PAG1: variants seen among roughly 807,000 people sequenced by gnomAD.
The protein encoded by PAG1 is phosphoprotein associated with glycosphingolipid-enriched microdomains 1.
A neutral mutation model predicts 31.7 loss-of-function variants in PAG1; 23 were observed. That is an observed-to-expected ratio of 0.73 (90% CI 0.52 to 1.03). PAG1 has a LOEUF of 1.03. PAG1 is among the 50% of genes least tolerant of loss of function. The pLI, the probability that PAG1 is intolerant of heterozygous loss-of-function variation, is 0.00. For missense variants in PAG1, 473 were observed against 540.7 expected, an observed-to-expected ratio of 0.87 and a Z score of 1.24; for synonymous variants, 214 against 210.3, an observed-to-expected ratio of 1.02 and a Z score of -0.15.
chr8:81,069,064 T>C (rs1460551308), intron 2 of PAG1, among the ~76,000 whole-genome samples: 1 of 152,226 alleles, frequency 6.6e-6, no homozygotes, highest in Non-Finnish European at 1.5e-5. Flanking sequence ...AAGGTCTTAA[T>C]GCACTGATTC....
At chr8:81,083,510 A>G (rs1309697559) in intron 1 of PAG1, among the ~76,000 whole-genome samples, 1 of 152,072 alleles carries the variant, frequency 6.6e-6, no homozygotes, top group Non-Finnish European at 1.5e-5. Flanking sequence ...AGAGCTGGCA[A>G]GGGTGGAAGT....
chr8:81,099,279 T>TC lies in PAG1; in HGVS notation c.-234+12311dup, dbSNP rs1809573571. Among the ~76,000 whole-genome samples, 4 of 152,350 alleles carry TC rather than the reference T, an allele frequency of 2.6e-5. No individual in the cohort carries two copies. The South Asian group carries it at 8.3e-4, about 32-fold the overall frequency. On this transcript the variant is annotated intron_variant, in intron 1 of 8. Coordinates refer to ENST00000220597, the MANE Select transcript of PAG1 (RefSeq NM_018440.4). ...CTCCAGATTTAATCCTTTTGTAGTT[T>TC]CCCCACATCTTGAGAGTATTTATCT...
intron 2 of PAG1, among the ~76,000 whole-genome samples, chr8:81,059,581 T>C (rs1471569541): frequency 1.3e-5 from 2 of 152,112 alleles, no homozygotes. Context: ...GTAAACTACC[T>C]GCAATTATGT....
At chr8:81,016,890 A>G (rs1463067090) in intron 3 of PAG1, among the ~76,000 whole-genome samples, 1 of 152,294 alleles carries the variant, frequency 6.6e-6, no homozygotes, top group East Asian at 1.9e-4. Context: ...CCCTAACTCC[A>G]TATTCCAACA....
chr8:81,074,895 G>T (rs1319830656), intron 1 of PAG1, among the ~76,000 whole-genome samples: 2 of 152,156 alleles, frequency 1.3e-5, no homozygotes, highest in African/African-American at 4.8e-5. Context: ...GCTCATTTTG[G>T]TTTCTTGGGT....
chr8:81,013,486 G>A (rs1808019915), intron 3 of PAG1, among the ~76,000 whole-genome samples: 1 of 152,188 alleles, frequency 6.6e-6, no homozygotes, highest in African/African-American at 2.4e-5. Flanking sequence ...TGGAAATGGT[G>A]CCACCTTCAG....
chr8:81,008,078 C>T (rs376736788), intron 3 of PAG1, among the ~76,000 whole-genome samples: 2 of 109,346 alleles, frequency 1.8e-5, no homozygotes, highest in African/African-American at 2.5e-5. Flanking sequence ...TTTTGTCCAT[C>T]GGATTAAATA....
At position 80,992,098 on chromosome 8, in the gene PAG1, T is replaced by C. The variant is rs149472922; in HGVS notation, c.126-568A>G. ...GTAGAGAATACGCCGCCCATCCACG[T>C]TCTCTATAAAACAAGGGTGACACCT... On this transcript the variant is annotated intron_variant, in intron 4 of 8. Coordinates refer to ENST00000220597, the MANE Select transcript of PAG1 (RefSeq NM_018440.4). Among the ~76,000 whole-genome samples the C allele has an allele frequency of 3.7e-3, 559 of 152,290 alleles. 4 individuals are homozygous for C. Among genetic ancestry groups the C allele is most frequent in the African/African-American group, 0.011 (467 of 41,558 alleles).
At chr8:81,085,275 G>A (rs1252805905) in intron 1 of PAG1, among the ~76,000 whole-genome samples, 1 of 152,190 alleles carries the variant, frequency 6.6e-6, no homozygotes, top group Non-Finnish European at 1.5e-5. Flanking sequence ...AGTAGTCAGT[G>A]AAATGTAAAA....
chr8:81,047,397 A>G (rs1196470700), intron 2 of PAG1, among the ~76,000 whole-genome samples: 1 of 152,166 alleles, frequency 6.6e-6, no homozygotes, highest in Non-Finnish European at 1.5e-5. Context: ...CTGATGTGAG[A>G]TGGTATCTCA....
At chr8:81,014,670 T>C (rs1276392141) in intron 3 of PAG1, among the ~76,000 whole-genome samples, 3 of 152,212 alleles carry the variant, frequency 2.0e-5, no homozygotes, top group Non-Finnish European at 4.4e-5. Flanking sequence ...TGTACGACCA[T>C]TATTAAGGAA....
intron 3 of PAG1, among the ~76,000 whole-genome samples, chr8:81,027,534 T>C (rs747258266): frequency 6.6e-6 from 1 of 152,202 alleles, no homozygotes; most frequent in Non-Finnish European, 1.5e-5. Flanking sequence ...CTGACACTAC[T>C]ACGGATAGAA....
At chr8:80,979,335 A>AG (rs1807249565) in intron 8 of PAG1, among the ~76,000 whole-genome samples, 1 of 152,180 alleles carries the variant, frequency 6.6e-6, no homozygotes, top group Non-Finnish European at 1.5e-5. Context: ...GATCAGCAGG[A>AG]GGGGACTGCT....
chr8:80,988,893 C>T (rs1305272621), intron 5 of PAG1, among the ~76,000 whole-genome samples: 1 of 152,204 alleles, frequency 6.6e-6, no homozygotes, highest in African/African-American at 2.4e-5. Flanking sequence ...TAAGAGTAGT[C>T]AGAAAGCAAG....
At chr8:81,073,993 C>A (rs1809135266) in intron 1 of PAG1, among the ~76,000 whole-genome samples, 1 of 152,210 alleles carries the variant, frequency 6.6e-6, no homozygotes, top group Non-Finnish European at 1.5e-5. Context: ...TACAGCATGC[C>A]TGGTGCTTCC....
At position 81,080,015 on chromosome 8, in the gene PAG1, C is replaced by T. The variant is rs575146293; in HGVS notation, c.-233-9845G>A. Reference sequence around the variant, plus strand: ...AAACTCCTGGGCTCAAGTGATCCTCCCATCAAGGCCTCCCAAAGTGCTGGG... The same window carrying T: ...AAACTCCTGGGCTCAAGTGATCCTCTCATCAAGGCCTCCCAAAGTGCTGGG... On this transcript the variant is annotated intron_variant, in intron 1 of 8. Transcript: ENST00000220597. Among the ~76,000 whole-genome samples, 3 of 152,160 alleles carry T rather than the reference C, an allele frequency of 2.0e-5. No individual in the cohort carries two copies. The East Asian group carries it at 5.8e-4, about 29-fold the overall frequency.
intron 1 of PAG1, among the ~76,000 whole-genome samples, chr8:81,106,784 A>G (rs1402137247): frequency 2.0e-5 from 3 of 152,190 alleles, no homozygotes; most frequent in African/African-American, 7.2e-5. Context: ...TTTACCCTCC[A>G]TTTTGACTGG....
At chr8:81,003,270 A>G (rs1190427870) in intron 3 of PAG1, among the ~76,000 whole-genome samples, 1 of 152,172 alleles carries the variant, frequency 6.6e-6, no homozygotes, top group East Asian at 1.9e-4. Context: ...TGATTTGGCA[A>G]GTCTGGAGCG....
rs142814138 is a variant in PAG1, at chr8:81,009,530, C to A, written c.-80-16223G>T. 5.6e-3 allele frequency among the ~76,000 whole-genome samples: 850 copies of A among 152,240 alleles called. 13 individuals carry two copies. The highest frequency in any genetic ancestry group is 0.02 in the African/African-American group (828 of 41,548). ...GATGATAAGATATGAGATATAGAGA[C>A]TAAGATGCTGAAAATCAAACCAACG... On this transcript the variant is annotated intron_variant, in intron 3 of 8. Transcript: ENST00000220597.
Sources: allele counts gnomAD v4.1 joint callset (sites outside exome capture counted in the v4.1 genomes callset), GRCh38; gene constraint gnomAD v4.1.1; transcripts MANE v1.5; gene names NCBI Gene and HGNC (gene_info 2026-07-23, HGNC 2026-07-21).